Variants in HIVEP3 observed in about 807,000 individuals in gnomAD.
HIVEP3 encodes transcription factor HIVEP3.
Under a neutral mutation model 152.8 loss-of-function variants are expected in HIVEP3, and 49 were observed. The observed-to-expected ratio is 0.32, with a 90% confidence interval of 0.26 to 0.41. HIVEP3 has a LOEUF of 0.41. Among genes scored for constraint, HIVEP3 ranks in the 10% least tolerant of loss-of-function variants. The pLI is 1.00. For synonymous variants in HIVEP3, 1,269 were observed against 1,289.0 expected, an observed-to-expected ratio of 0.98 and a Z score of 0.33; for missense variants, 2,790 against 3,103.3, an observed-to-expected ratio of 0.90 and a Z score of 2.40.
chr1:41,787,690 A>T (rs886390946), intron 1 of HIVEP3, among the ~76,000 whole-genome samples: 7 of 132,070 alleles, frequency 5.3e-5, no homozygotes, highest in African/African-American at 2.3e-4. Flanking sequence ...CCAGCTAATT[A>T]AAAAAATTTT....
At position 41,576,443 on chromosome 1, in the gene HIVEP3, C is replaced by G. The variant is rs561645852; in HGVS notation, c.5062-754G>C. Among the ~76,000 whole-genome samples the G allele has an allele frequency of 2.0e-5, 3 of 152,340 alleles. No homozygotes were observed. The South Asian group carries it at 6.2e-4, about 32-fold the overall frequency. ...GTGCTTCCTGGACATCTTCCACTAT[C>G]CCAAGAACACGTCCTGTAAACACTG... On this transcript the variant is annotated intron_variant, in intron 4 of 8. Transcript: ENST00000372583.
intron 3 of HIVEP3, among the ~76,000 whole-genome samples, chr1:41,593,635 G>A (rs1168091998): frequency 1.3e-5 from 2 of 152,240 alleles, no homozygotes; most frequent in Non-Finnish European, 2.9e-5. Context: ...AATGGCGGGT[G>A]AGCACTATTT....
intron 1 of HIVEP3, among the ~76,000 whole-genome samples, chr1:41,727,472 C>A (rs1400826118): frequency 6.6e-6 from 1 of 152,126 alleles, no homozygotes; most frequent in East Asian, 1.9e-4. Flanking sequence ...TAGGGGTGGG[C>A]TGGGGGGACA....
chr1:41,639,169 T>C (rs1489609956), intron 2 of HIVEP3, among the ~76,000 whole-genome samples: 1 of 152,234 alleles, frequency 6.6e-6, no homozygotes, highest in East Asian at 1.9e-4. Context: ...TATTGTGGTC[T>C]GTGATCAATA....
intron 1 of HIVEP3, among the ~76,000 whole-genome samples, chr1:41,702,659 C>T (rs1570352281): frequency 6.6e-6 from 1 of 152,194 alleles, no homozygotes; most frequent in South Asian, 2.1e-4. Context: ...AATACAATTT[C>T]TCCTCCTGGC....
chr1:41,580,691 A>G lies in HIVEP3; in HGVS notation c.4107T>C (p.Cys1369=), dbSNP rs1202421915. Residue 1369 remains cysteine, a synonymous_variant, in exon 4 of 9, where the codon TGT becomes TGC. Coordinates refer to ENST00000372583, the MANE Select transcript of HIVEP3 (RefSeq NM_024503.5). Reference sequence around the variant, plus strand: ...GCCCAACCTCATGCACATCTGCACCACATACAGTCGTCCCCTTTGATGGGG... The same window carrying G: ...GCCCAACCTCATGCACATCTGCACCGCATACAGTCGTCCCCTTTGATGGGG... ...EEPPSKGTTV[C]GADVHEVGPG... 6.2e-7 allele frequency: 1 copy of G among 1,607,610 alleles called. No individual in the cohort carries two copies. The highest frequency in any genetic ancestry group is 8.5e-7 in the Non-Finnish European group (1 of 1,176,460).
rs1396203482 is a variant in HIVEP3 at position 41,513,728 on chromosome 1, C to T, written c.5493G>A (p.Gln1831=). The T allele has an allele frequency of 6.3e-7, 1 of 1,580,410 alleles. No homozygotes were observed. Among genetic ancestry groups the T allele is most frequent in the African/African-American group, 1.4e-5 (1 of 73,976 alleles). The change falls in exon 8 of 9, where the codon CAG becomes CAA. Residue 1831 remains glutamine (Q), a synonymous_variant. Transcript: ENST00000372583. The stretch of plus-strand genomic sequence containing the variant: ...CTGAACCCTCTCGTCCTTCCGAGTC[C>T]TGGAACAGGTCGTCACTGGTTCCTG... ...AEEGTSDDLF[Q]DSEGREGSEA... is the part of the protein sequence containing the mutation.
In HIVEP3 at chr1:41,513,575, G is replaced by C; in HGVS notation, c.5646C>G (p.Pro1882=). The C allele has an allele frequency of 1.9e-6, 3 of 1,613,050 alleles. No individual in the cohort carries two copies. The highest frequency in any genetic ancestry group is 2.5e-6 in the Non-Finnish European group (3 of 1,179,746). ...DELSRPSSEA[P]PPGPPHALRA... Reference sequence around the variant, plus strand: ...GCAGTGCATGTGGTGGGCCAGGCGGGGGCGCCTCTGAGGATGGTCTGGACA... The same window carrying C: ...GCAGTGCATGTGGTGGGCCAGGCGGCGGCGCCTCTGAGGATGGTCTGGACA... The change falls in exon 8 of 9, where the codon CCC becomes CCG. Residue 1882 remains proline, a synonymous_variant. Transcript: ENST00000372583.
At chr1:41,843,837 T>C (rs1643359907) in intron 1 of HIVEP3, among the ~76,000 whole-genome samples, 1 of 152,200 alleles carries the variant, frequency 6.6e-6, no homozygotes, top group African/African-American at 2.4e-5. Context: ...ACATGTGCCA[T>C]GTTGGTGTGC....
chr1:41,917,796 T>C (rs960356331), intron 1 of HIVEP3, among the ~76,000 whole-genome samples: 1 of 151,494 alleles, frequency 6.6e-6, no homozygotes, highest in Non-Finnish European at 1.5e-5. Context: ...AGGTTGGGGG[T>C]TGGGAAATGA....
intron 1 of HIVEP3, among the ~76,000 whole-genome samples, chr1:41,963,867 C>G (rs965484639): frequency 6.6e-6 from 1 of 152,098 alleles, no homozygotes; most frequent in Non-Finnish European, 1.5e-5. Context: ...CAGTCACTCC[C>G]GGACATACTC....
chr1:42,016,813 C>T (rs1645525735), intron 1 of HIVEP3, among the ~76,000 whole-genome samples: 1 of 152,066 alleles, frequency 6.6e-6, no homozygotes, highest in Non-Finnish European at 1.5e-5. Flanking sequence ...AACCAGTACT[C>T]TATTCATAGA....
At chr1:41,934,705 T>C (rs1005295014) in intron 1 of HIVEP3, among the ~76,000 whole-genome samples, 2 of 152,148 alleles carry the variant, frequency 1.3e-5, no homozygotes, top group Non-Finnish European at 2.9e-5. Flanking sequence ...TTTTGAGAAA[T>C]GTAAGATATA....
chr1:41,694,391 CT>C (rs1366794773), intron 2 of HIVEP3, among the ~76,000 whole-genome samples: 1 of 152,104 alleles, frequency 6.6e-6, no homozygotes, highest in Non-Finnish European at 1.5e-5. Flanking sequence ...CTTGCATGGC[CT>C]ATTTATACAT....
chr1:41,618,970 T>A (rs1406521879), intron 3 of HIVEP3, among the ~76,000 whole-genome samples: 2 of 152,240 alleles, frequency 1.3e-5, no homozygotes, highest in African/African-American at 2.4e-5. Flanking sequence ...CACCTCCTGA[T>A]CTGTCACATC....
chr1:41,726,919 T>C (rs956574847), intron 1 of HIVEP3, among the ~76,000 whole-genome samples: 2 of 152,292 alleles, frequency 1.3e-5, no homozygotes, highest in Admixed American at 6.5e-5. Flanking sequence ...GGGCTCTTGC[T>C]GTGGTAGAGG....
rs60511656 is a variant in HIVEP3 at position 41,644,693 on chromosome 1, C to CTTTTT, written c.-720-15751_-720-15747dup. On this transcript the variant is annotated intron_variant, in intron 2 of 8. Coordinates refer to ENST00000372583, the MANE Select transcript of HIVEP3 (RefSeq NM_024503.5). ...TTTAAAGCACACTTGCATATCTGTT[C>CTTTTT]TTTTTTTTTTTTTTTTTTTTTTTTG... Among the ~76,000 whole-genome samples, 187 of 74,636 alleles carry CTTTTT rather than the reference C, an allele frequency of 2.5e-3. 7 individuals are homozygous for CTTTTT. Among genetic ancestry groups the CTTTTT allele is most frequent in the African/African-American group, 4.4e-3 (86 of 19,400 alleles). 49.0% of individuals were successfully genotyped at this position (74,636 alleles called of 152,430 possible). A position where few individuals can be genotyped will look rare whatever the true frequency, so the allele number is the denominator to read the frequency against.
intron 2 of HIVEP3, among the ~76,000 whole-genome samples, chr1:41,668,231 G>A (rs1645824945): frequency 6.6e-6 from 1 of 152,248 alleles, no homozygotes; most frequent in African/African-American, 2.4e-5. Context: ...GCAGCTCACA[G>A]TCTGGTTCCG....
intron 1 of HIVEP3, among the ~76,000 whole-genome samples, chr1:41,747,042 C>T (rs1438299446): frequency 5.9e-5 from 9 of 152,318 alleles, no homozygotes; most frequent in South Asian, 2.1e-4. Context: ...GGCACTATGA[C>T]TCCCATTTTG....
Sources: gnomAD v4.1 joint callset for allele counts (sites outside exome capture counted in the v4.1 genomes callset) on GRCh38, gnomAD v4.1.1 for gene constraint, MANE v1.5 for transcripts, NCBI Gene and HGNC (gene_info 2026-07-23, HGNC 2026-07-21) for gene names.